FBXO34: variants seen among roughly 807,000 people sequenced by gnomAD.
The protein encoded by FBXO34 is F-box only protein 34.
A neutral mutation model predicts 24.5 loss-of-function variants in FBXO34; 12 were observed. That is an observed-to-expected ratio of 0.49 (90% CI 0.31 to 0.79). The LOEUF is 0.79. Ranked by LOEUF, FBXO34 falls within the 30% of genes least tolerant of loss-of-function variation. FBXO34 has a pLI of 0.04. For synonymous variants in FBXO34, 320 were observed against 311.9 expected (o/e 1.03, Z -0.27); for missense variants, 823 against 857.7 (o/e 0.96, Z 0.51).
At chr14:55,439,564 T>G in the FBXO34 span, among the ~76,000 whole-genome samples, 1 of 138,698 alleles carries the variant, frequency 7.2e-6, no homozygotes, top group African/African-American at 2.6e-5. Flanking sequence ...CCAAGGTGGG[T>G]GGGATGACTT....
the FBXO34 span, among the ~76,000 whole-genome samples, chr14:55,439,882 G>A: frequency 1.4e-5 from 2 of 139,182 alleles, no homozygotes; most frequent in African/African-American, 2.7e-5. Context: ...AGTGAGCCGA[G>A]ATCGCGCCAC....
chr14:55,282,394 T>G (rs1881582482), intron 1 of FBXO34: 1 of 393,694 alleles, frequency 2.5e-6, no homozygotes, highest in Non-Finnish European at 5.1e-6. Flanking sequence ...TGGATTCATT[T>G]AGCACACATT....
chr14:55,382,113 C>T, the FBXO34 span: 1 of 1,614,062 alleles, frequency 6.2e-7, no homozygotes, highest in South Asian at 1.1e-5. Flanking sequence ...GGTAAGTTGT[C>T]CTCCGGGCTT....
At chr14:55,440,954 C>T in the FBXO34 span, among the ~76,000 whole-genome samples, 1 of 152,242 alleles carries the variant, frequency 6.6e-6, no homozygotes, top group Non-Finnish European at 1.5e-5. Flanking sequence ...TCAAGCTATT[C>T]TCCTGCCTCA....
downstream of FBXO34, among the ~76,000 whole-genome samples, chr14:55,364,541 C>G (rs1156624957): frequency 6.6e-6 from 1 of 152,026 alleles, no homozygotes; most frequent in East Asian, 1.9e-4. Context: ...TCTCCCGCCT[C>G]AGCCTCTTGA....
chr14:55,355,149 G>T (rs1884501641), downstream of FBXO34: 1 of 152,284 alleles, frequency 6.6e-6, no homozygotes, highest in Non-Finnish European at 1.5e-5. Flanking sequence ...TCCTGGAGTG[G>T]TTCACCTCTC....
At chr14:55,425,372 AAAG>A in the FBXO34 span, among the ~76,000 whole-genome samples, 3 of 152,248 alleles carry the variant, frequency 2.0e-5, no homozygotes, top group Non-Finnish European at 2.9e-5. Flanking sequence ...GGAGACACAA[AAAG>A]AAGATTTCCA....
At chr14:55,429,386 G>A in the FBXO34 span, among the ~76,000 whole-genome samples, 1 of 152,214 alleles carries the variant, frequency 6.6e-6, no homozygotes, top group Admixed American at 6.5e-5. Context: ...CGAGCAATCT[G>A]TCTTTTAACA....
intron 1 of FBXO34, among the ~76,000 whole-genome samples, chr14:55,324,129 G>A (rs1206648345): frequency 6.6e-6 from 1 of 151,328 alleles, no homozygotes; most frequent in African/African-American, 2.4e-5. Flanking sequence ...AACAACTGTT[G>A]TACTTTCTGT....
At chr14:55,297,930 G>A (rs1451001696) in intron 1 of FBXO34, among the ~76,000 whole-genome samples, 5 of 152,180 alleles carry the variant, frequency 3.3e-5, no homozygotes, top group African/African-American at 9.7e-5. Context: ...AACACTGACC[G>A]TCCACTTCTT....
intron 1 of FBXO34, among the ~76,000 whole-genome samples, chr14:55,317,888 C>T (rs887948466): frequency 6.6e-6 from 1 of 152,154 alleles, no homozygotes; most frequent in African/African-American, 2.4e-5. Context: ...AGATTATCTT[C>T]AGCCTTGTGC....
chr14:55,367,399 A>C (rs1456004870), exon 3 of FBXO34: 1 of 152,268 alleles, frequency 6.6e-6, no homozygotes, highest in Non-Finnish European at 1.5e-5. Flanking sequence ...GAAGCCCAGC[A>C]ATCAATCATG....
At chr14:55,321,783 C>T (rs7151754) in intron 1 of FBXO34, among the ~76,000 whole-genome samples, 45,998 of 152,098 alleles carry the variant, frequency 0.3, 7,257 homozygotes, top group Non-Finnish European at 0.34. Context: ...GAAAGTGAAT[C>T]AATACCTATT....
intron 1 of FBXO34, among the ~76,000 whole-genome samples, chr14:55,275,773 G>A (rs1881315513): frequency 6.9e-6 from 1 of 144,282 alleles, no homozygotes; most frequent in African/African-American, 2.5e-5. Flanking sequence ...GCAGTGAACC[G>A]AGATGGCGCC....
intron 1 of FBXO34, among the ~76,000 whole-genome samples, chr14:55,322,306 T>C (rs1218095465): frequency 4.9e-5 from 4 of 82,372 alleles, no homozygotes; most frequent in African/African-American, 2.1e-4. Context: ...CAAGACTCTG[T>C]CTCAAAAAAA....
At chr14:55,416,302 A>G in the FBXO34 span, among the ~76,000 whole-genome samples, 1 of 152,176 alleles carries the variant, frequency 6.6e-6, no homozygotes, top group African/African-American at 2.4e-5. Flanking sequence ...TAATTTTTTA[A>G]GAAATAAGGG....
intron 1 of FBXO34, among the ~76,000 whole-genome samples, chr14:55,339,750 A>T (rs774347655): frequency 1.3e-5 from 2 of 152,190 alleles, no homozygotes; most frequent in Non-Finnish European, 2.9e-5. Flanking sequence ...CAAAGCAGCA[A>T]TGTTTTTTAG....
At chr14:55,364,226 GGT>G (rs1203140076), downstream of FBXO34, among the ~76,000 whole-genome samples, 1 of 152,056 alleles carries the variant, frequency 6.6e-6, no homozygotes, top group African/African-American at 2.4e-5. Flanking sequence ...TGGGATTACA[GGT>G]GTGAGCCACC....
chr14:55,292,189 A>G (rs994518377), intron 1 of FBXO34, among the ~76,000 whole-genome samples: 5 of 152,100 alleles, frequency 3.3e-5, no homozygotes, highest in African/African-American at 4.8e-5. Context: ...TGATTGCTAA[A>G]TGGGTTCAGA....
Sources: gnomAD v4.1 joint callset for allele counts (sites outside exome capture counted in the v4.1 genomes callset) on GRCh38, gnomAD v4.1.1 for gene constraint, MANE v1.5 for transcripts, NCBI Gene and HGNC (gene_info 2026-07-23, HGNC 2026-07-21) for gene names.